Variants in JAKMIP2 observed in about 807,000 individuals in gnomAD.
JAKMIP2 encodes the protein janus kinase and microtubule interacting protein 2.
A neutral mutation model predicts 115.0 loss-of-function variants in JAKMIP2; 25 were observed. The observed-to-expected ratio is 0.22, with a 90% CI of 0.16 to 0.30. The LOEUF (loss-of-function observed/expected upper bound fraction) is 0.30, where lower values mean the gene tolerates loss of function less well. Ranked by LOEUF, JAKMIP2 falls within the 10% of genes least tolerant of loss-of-function variation. The pLI is 1.00. For missense variants in JAKMIP2, 642 were observed against 957.6 expected (o/e 0.67, Z 4.35); for synonymous variants, 334 against 343.6 (o/e 0.97, Z 0.31).
chr5:147,757,456 T>C (rs548520921), intron 1 of JAKMIP2, among the ~76,000 whole-genome samples: 118 of 152,178 alleles, frequency 7.8e-4, no homozygotes, highest in Non-Finnish European at 1.3e-3. Context: ...CGAGAAGTAA[T>C]AGCTTTCATG....
chr5:147,774,361 C>G (rs1755475642), intron 1 of JAKMIP2, among the ~76,000 whole-genome samples: 1 of 152,136 alleles, frequency 6.6e-6, no homozygotes, highest in Non-Finnish European at 1.5e-5. Flanking sequence ...AAGTCCTTCT[C>G]TCTCTGTTGC....
intron 20 of JAKMIP2, among the ~76,000 whole-genome samples, chr5:147,610,188 G>C (rs922900837): frequency 6.6e-6 from 1 of 152,030 alleles, no homozygotes; most frequent in Non-Finnish European, 1.5e-5. Flanking sequence ...CTGTCAATTC[G>C]TCAAACTAAT....
Position 147,591,604 on chromosome 5 carries a change from C to T in JAKMIP2, c.*103G>A. 1 of 1,275,892 alleles carries T rather than the reference C, an allele frequency of 7.8e-7. No homozygotes were observed. Among genetic ancestry groups the T allele is most frequent in the South Asian group, 1.2e-5 (1 of 80,438 alleles). The allele number at this position is 1,275,892 out of a possible 1,614,324, so 79.0% of individuals were successfully genotyped here. A position where few individuals can be genotyped will look rare whatever the true frequency, so the allele number is the denominator to read the frequency against. On this transcript the variant is annotated 3_prime_UTR_variant, in exon 22 of 22. Transcript: ENST00000616793. ...GTAGTTCTTAGCTTTTGATCTCCCT[C>T]TCACTGGTGTAAACAATTTTGCCAT...
chr5:147,600,962 G>A (rs938315719), intron 21 of JAKMIP2, among the ~76,000 whole-genome samples: 1 of 152,042 alleles, frequency 6.6e-6, no homozygotes, highest in Non-Finnish European at 1.5e-5. Context: ...AGTCTCTACT[G>A]GGGAAAAGGG....
chr5:147,623,985 C>T (rs1286128294), intron 16 of JAKMIP2, among the ~76,000 whole-genome samples: 1 of 152,118 alleles, frequency 6.6e-6, no homozygotes, highest in Non-Finnish European at 1.5e-5. Context: ...CAGGCGCCTG[C>T]CACCACGCCT....
Position 147,725,836 on chromosome 5 carries a change from C to T in JAKMIP2, c.-148-53882G>A, listed in dbSNP as rs1753494996. On this transcript the variant is annotated intron_variant, in intron 1 of 21. Transcript: ENST00000616793. ...TAATTGCTATTCTCTTTGGATTAATCTGCCTTGCACTCTTTGCTGACAGCT... is the reference window on the plus strand; with the variant it reads ...TAATTGCTATTCTCTTTGGATTAATTTGCCTTGCACTCTTTGCTGACAGCT... Among the ~76,000 whole-genome samples the T allele has an allele frequency of 2.6e-5, 4 of 152,120 alleles. No individual in the cohort carries two copies. The South Asian group carries it at 8.3e-4, about 32-fold the overall frequency.
chr5:147,643,922 C>T lies in JAKMIP2; in HGVS notation c.1224+136G>A. The T allele has an allele frequency of 5.1e-6, 3 of 589,496 alleles. No homozygotes were observed. The South Asian group carries it at 1.4e-4, about 28-fold the overall frequency. 36.5% of individuals were successfully genotyped at this position (589,496 alleles called of 1,614,324 possible). A position where few individuals can be genotyped will look rare whatever the true frequency, so the allele number is the denominator to read the frequency against. Reference sequence around the variant, plus strand: ...AATATAAAATATTGGAATACAGTCTCTAGAACAAAATTACATATTTAACAT... The same window carrying T: ...AATATAAAATATTGGAATACAGTCTTTAGAACAAAATTACATATTTAACAT... On this transcript the variant is annotated intron_variant, in intron 7 of 21. Coordinates refer to ENST00000616793, the MANE Select transcript of JAKMIP2 (RefSeq NM_001270941.2).
In JAKMIP2 at chr5:147,675,378, A is replaced by G. The variant is rs560953883; in HGVS notation, c.-148-3424T>C. On this transcript the variant is annotated intron_variant, in intron 1 of 21. Transcript: ENST00000616793. ...CTATACACCCCTCTGGTGGAGGAGA[A>G]CTTTCCAAACTCTTCTCCAGTTGTA... 2.0e-5 allele frequency among the ~76,000 whole-genome samples: 3 copies of G among 152,226 alleles called. No homozygotes were observed. In the South Asian group the frequency reaches 6.2e-4, roughly 32 times the overall value.
chr5:147,608,042 T>C (rs758316023), intron 20 of JAKMIP2, among the ~76,000 whole-genome samples: 3 of 152,110 alleles, frequency 2.0e-5, no homozygotes, highest in Non-Finnish European at 4.4e-5. Flanking sequence ...TTTTTTATTG[T>C]GTCTATTTGA....
chr5:147,747,756 T>G (rs1256069939), intron 1 of JAKMIP2, among the ~76,000 whole-genome samples: 1 of 152,194 alleles, frequency 6.6e-6, no homozygotes, highest in Admixed American at 6.5e-5. Context: ...TTAGGCTTAT[T>G]GTTCCAGACT....
intron 3 of JAKMIP2, 98 bp from the exon 4 acceptor site, chr5:147,650,645 C>A: frequency 3.3e-6 from 3 of 900,450 alleles, no homozygotes; most frequent in African/African-American, 1.7e-5. Context: ...CTGATTGATA[C>A]AGAAAAAAAA....
chr5:147,728,806 T>C (rs1753615415), intron 1 of JAKMIP2, among the ~76,000 whole-genome samples: 1 of 152,220 alleles, frequency 6.6e-6, no homozygotes, highest in Non-Finnish European at 1.5e-5. Flanking sequence ...CATAAACTGC[T>C]TCTCTGACTT....
intron 16 of JAKMIP2, among the ~76,000 whole-genome samples, chr5:147,627,678 TAAAAA>T (rs768481105): frequency 3.6e-4 from 25 of 70,326 alleles, no homozygotes; most frequent in African/African-American, 1.1e-3. Context: ...AGCCTTTCTG[TAAAAA>T]AAAAAAAAAA....
At chr5:147,698,368 G>A (rs1245303736) in intron 1 of JAKMIP2, among the ~76,000 whole-genome samples, 1 of 152,116 alleles carries the variant, frequency 6.6e-6, no homozygotes, top group African/African-American at 2.4e-5. Flanking sequence ...TTGGACTTTT[G>A]GGTTAATGCT....
chr5:147,728,544 A>G (rs563437773), intron 1 of JAKMIP2, among the ~76,000 whole-genome samples: 4 of 152,170 alleles, frequency 2.6e-5, no homozygotes, highest in Admixed American at 2.0e-4. Context: ...ACGTACTGAA[A>G]CTATTTCTGT....
At chr5:147,633,189 C>A (rs1163322892) in intron 12 of JAKMIP2, among the ~76,000 whole-genome samples, 1 of 152,192 alleles carries the variant, frequency 6.6e-6, no homozygotes, top group African/African-American at 2.4e-5. Flanking sequence ...TCATCATACA[C>A]AAAACTTTGC....
At chr5:147,708,192 C>G (rs1580813117) in intron 1 of JAKMIP2, among the ~76,000 whole-genome samples, 1 of 152,008 alleles carries the variant, frequency 6.6e-6, no homozygotes, top group African/African-American at 2.4e-5. Context: ...AACAATAAAG[C>G]TAACAAAAAA....
At chr5:147,702,302 G>A (rs1752351989) in intron 1 of JAKMIP2, among the ~76,000 whole-genome samples, 1 of 145,028 alleles carries the variant, frequency 6.9e-6, no homozygotes, top group Non-Finnish European at 1.5e-5. Flanking sequence ...AGGACTAGGG[G>A]GAAAGGGTGG....
intron 1 of JAKMIP2, among the ~76,000 whole-genome samples, chr5:147,771,123 A>G (rs1042320069): frequency 6.6e-6 from 1 of 152,084 alleles, no homozygotes; most frequent in Non-Finnish European, 1.5e-5. Flanking sequence ...TTCTTCATTT[A>G]CTTTAATTTT....
Sources: gnomAD v4.1 joint callset for allele counts (sites outside exome capture counted in the v4.1 genomes callset) on GRCh38, gnomAD v4.1.1 for gene constraint, MANE v1.5 for transcripts, NCBI Gene and HGNC (gene_info 2026-07-23, HGNC 2026-07-21) for gene names.